The following DLGAP2 variants were observed in gnomAD, a reference collection of about 807,000 sequenced individuals.
DLGAP2 encodes the protein DLG associated protein 2.
DLGAP2 carries 26 observed loss-of-function variants against 100.3 expected under a neutral mutation model. The ratio of observed to expected loss-of-function variants is 0.26; its 90% confidence interval spans 0.19 to 0.36. DLGAP2 has a LOEUF of 0.36. Ranked by LOEUF, DLGAP2 falls within the 10% of genes least tolerant of loss-of-function variation. The pLI is 1.00. For missense variants in DLGAP2, 1,858 were observed against 1,453.2 expected, an observed-to-expected ratio of 1.28 and a Z score of -4.53; for synonymous variants, 886 against 630.1, an observed-to-expected ratio of 1.41 and a Z score of -6.08.
At chr8:1,619,684 A>G (rs1426380029) in intron 6 of DLGAP2, 1 of 152,252 alleles carries the variant, frequency 6.6e-6, no homozygotes, top group Non-Finnish European at 1.5e-5. Flanking sequence ...CTTGTATTGC[A>G]TGTAACATTC....
chr8:986,815 A>G (rs1027000633), intron 2 of DLGAP2, among the ~76,000 whole-genome samples: 1 of 152,034 alleles, frequency 6.6e-6, no homozygotes, highest in African/African-American at 2.4e-5. Context: ...ACCTGCCACC[A>G]TGCCTGGCTA....
At chr8:810,476 C>T (rs1436730000) in intron 1 of DLGAP2, among the ~76,000 whole-genome samples, 3 of 152,182 alleles carry the variant, frequency 2.0e-5, no homozygotes, top group Non-Finnish European at 4.4e-5. Context: ...GGATTTCACA[C>T]AAAGCTGTTT....
intron 2 of DLGAP2, among the ~76,000 whole-genome samples, chr8:998,514 G>T (rs1342452935): frequency 6.6e-6 from 1 of 151,182 alleles, no homozygotes; most frequent in Non-Finnish European, 1.5e-5. Context: ...TGTCACCCAG[G>T]TTGATCTTGA....
At chr8:1,524,847 T>G (rs6986584) in intron 4 of DLGAP2, among the ~76,000 whole-genome samples, 107,550 of 151,794 alleles carry the variant, frequency 0.71, 38,888 homozygotes, top group African/African-American at 0.83. Context: ...CGTGGGTTCA[T>G]CATCTTCCCA....
At chr8:1,306,074 C>CAAAAAATAAAAAAAAAAAAAAAAAAAAA (rs1800483223) in intron 3 of DLGAP2, among the ~76,000 whole-genome samples, 1 of 116,448 alleles carries the variant, frequency 8.6e-6, no homozygotes, top group Non-Finnish European at 1.8e-5. Flanking sequence ...AGAAATTAGG[C>CAAAAAATAAAAAAAAAAAAAAAAAAAAA]AAAAAAAAAA....
chr8:1,184,909 A>G (rs936301896), intron 2 of DLGAP2, among the ~76,000 whole-genome samples: 2 of 152,194 alleles, frequency 1.3e-5, no homozygotes, highest in African/African-American at 4.8e-5. Flanking sequence ...AAGGTGACTC[A>G]CTTGCCCCAA....
At chr8:905,496 C>G (rs1798360355) in intron 1 of DLGAP2, among the ~76,000 whole-genome samples, 1 of 152,160 alleles carries the variant, frequency 6.6e-6, no homozygotes, top group African/African-American at 2.4e-5. Context: ...CGGCATAAAA[C>G]AGGCCCTGGC....
chr8:994,829 A>C (rs1367353789), intron 2 of DLGAP2, among the ~76,000 whole-genome samples: 1 of 152,182 alleles, frequency 6.6e-6, no homozygotes, highest in Non-Finnish European at 1.5e-5. Flanking sequence ...GCAGACGAAG[A>C]GTCATTCAGC....
intron 2 of DLGAP2, among the ~76,000 whole-genome samples, chr8:1,235,574 G>GGT: frequency 7.6e-6 from 1 of 132,300 alleles, no homozygotes; most frequent in African/African-American, 3.5e-5. Context: ...TCTCTCACAT[G>GGT]GCACCATGTC....
intron 1 of DLGAP2, among the ~76,000 whole-genome samples, chr8:806,911 G>T (rs925020425): frequency 6.6e-5 from 10 of 152,192 alleles, no homozygotes; most frequent in African/African-American, 2.2e-4. Flanking sequence ...GGAAAGATGA[G>T]ATCCTTGATA....
chr8:1,438,875 G>C (rs925240298), intron 3 of DLGAP2, among the ~76,000 whole-genome samples: 2 of 152,142 alleles, frequency 1.3e-5, no homozygotes, highest in Non-Finnish European at 2.9e-5. Flanking sequence ...TACCAATATC[G>C]TAATATTCAC....
intron 1 of DLGAP2, among the ~76,000 whole-genome samples, chr8:749,824 A>G (rs1166170180): frequency 6.6e-6 from 1 of 152,174 alleles, no homozygotes; most frequent in African/African-American, 2.4e-5. Flanking sequence ...GAGCCAAGGT[A>G]TCCTGGGGCC....
chr8:881,072 T>G (rs969734560), intron 1 of DLGAP2, among the ~76,000 whole-genome samples: 7 of 152,236 alleles, frequency 4.6e-5, no homozygotes, highest in South Asian at 2.1e-4. Context: ...TCAGGTGATA[T>G]TCACAAGAAT....
At chr8:1,055,145 T>C (rs1442571831) in intron 2 of DLGAP2, among the ~76,000 whole-genome samples, 2 of 152,242 alleles carry the variant, frequency 1.3e-5, no homozygotes, top group Admixed American at 1.3e-4. Flanking sequence ...AGATGGATGC[T>C]ATCAGTGTGT....
intron 1 of DLGAP2, among the ~76,000 whole-genome samples, chr8:899,307 G>C (rs572444753): frequency 1.3e-5 from 2 of 152,232 alleles, no homozygotes; most frequent in African/African-American, 2.4e-5. Flanking sequence ...TGGCCTTCCC[G>C]TGGTGGCAGA....
intron 1 of DLGAP2, among the ~76,000 whole-genome samples, chr8:870,966 G>A (rs936824237): frequency 5.3e-5 from 8 of 152,176 alleles, no homozygotes; most frequent in Admixed American, 1.3e-4. Context: ...TGTGGTAGAC[G>A]TATCTGGCAC....
At chr8:1,319,496 T>C (rs990181302) in intron 3 of DLGAP2, among the ~76,000 whole-genome samples, 1 of 152,198 alleles carries the variant, frequency 6.6e-6, no homozygotes, top group Non-Finnish European at 1.5e-5. Context: ...TGGAGGCAGC[T>C]GACGTGGAGC....
intron 3 of DLGAP2, among the ~76,000 whole-genome samples, chr8:1,266,956 C>T (rs562479194): frequency 1.4e-4 from 21 of 151,988 alleles, no homozygotes; most frequent in Non-Finnish European, 2.2e-4. Flanking sequence ...AAAAAGGGCG[C>T]GGTGGCTCAC....
intron 1 of DLGAP2, among the ~76,000 whole-genome samples, chr8:882,073 T>G (rs2128993597): frequency 6.6e-6 from 1 of 152,290 alleles, no homozygotes; most frequent in African/African-American, 2.4e-5. Context: ...TCACATGATA[T>G]CACCCAGTCC....
Sources: gnomAD v4.1 joint callset for allele counts (sites outside exome capture counted in the v4.1 genomes callset) on GRCh38, gnomAD v4.1.1 for gene constraint, MANE v1.5 for transcripts, NCBI Gene and HGNC (gene_info 2026-07-23, HGNC 2026-07-21) for gene names.